ARL13B: variants seen among roughly 807,000 people sequenced by gnomAD.
ARL13B encodes ADP-ribosylation factor-like protein 13B.
ARL13B carries 36 observed loss-of-function variants against 56.1 expected under a neutral mutation model. That is an observed-to-expected ratio of 0.64 (90% CI 0.49 to 0.85). ARL13B has a LOEUF of 0.85. ARL13B is among the 40% of genes least tolerant of loss of function. ARL13B has a pLI of 0.00. For synonymous variants in ARL13B, 178 were observed against 171.1 expected (o/e 1.04, Z -0.32); for missense variants, 519 against 507.1 (o/e 1.02, Z -0.23).
At chr3:93,987,730 C>G (rs893051791) in intron 1 of ARL13B, among the ~76,000 whole-genome samples, 12 of 152,110 alleles carry the variant, frequency 7.9e-5, no homozygotes, top group Non-Finnish European at 1.3e-4. Context: ...CTCACTGCAG[C>G]CTTGACTGCC....
chr3:94,030,021 C>T (rs2076647105), intron 3 of ARL13B, among the ~76,000 whole-genome samples: 1 of 152,090 alleles, frequency 6.6e-6, no homozygotes. Flanking sequence ...TGAATATTCA[C>T]AGTGCCCAAA....
rs1388920577 is a variant in ARL13B, at chr3:94,049,589, A to G, written c.1141+67A>G. ...TTAAACAACAGAGAAAAAAAAAAAGAAAAAAGGAATCTTGTCATTTTTATT... is the reference window on the plus strand; with the variant it reads ...TTAAACAACAGAGAAAAAAAAAAAGGAAAAAGGAATCTTGTCATTTTTATT... On this transcript the variant is annotated intron_variant, in intron 8 of 9. Coordinates refer to ENST00000394222, the MANE Select transcript of ARL13B (RefSeq NM_001174150.2). 4 of 1,124,800 alleles carry G rather than the reference A, an allele frequency of 3.6e-6. No homozygotes were observed. In the South Asian group the frequency reaches 4.1e-5, roughly 11 times the overall value. The allele number at this position is 1,124,800 out of a possible 1,614,324, so 69.7% of individuals were successfully genotyped here.
At chr3:93,984,865 C>A (rs150024370) in intron 1 of ARL13B, among the ~76,000 whole-genome samples, 50 of 152,082 alleles carry the variant, frequency 3.3e-4, no homozygotes, top group African/African-American at 1.2e-3. Context: ...AAAAAATTAG[C>A]CAGAAGTAGT....
At chr3:94,019,003 C>T (rs1240167634) in intron 3 of ARL13B, among the ~76,000 whole-genome samples, 4 of 152,074 alleles carry the variant, frequency 2.6e-5, no homozygotes, top group East Asian at 1.9e-4. Flanking sequence ...TGATCTCAGG[C>T]GATCCGCCCT....
intron 1 of ARL13B, among the ~76,000 whole-genome samples, chr3:93,985,711 A>C (rs1710431703): frequency 6.6e-6 from 1 of 152,182 alleles, no homozygotes; most frequent in African/African-American, 2.4e-5. Context: ...GTAGGTAACA[A>C]ATCCTTGAAA....
At chr3:93,990,517 C>CA in intron 1 of ARL13B, among the ~76,000 whole-genome samples, 1 of 152,002 alleles carries the variant, frequency 6.6e-6, no homozygotes, top group East Asian at 1.9e-4. Context: ...GTGCATATAA[C>CA]AAAGTTTTGA....
In ARL13B at chr3:94,001,376, A is replaced by G. The variant is rs1445090069; in HGVS notation, c.131-2283A>G. On this transcript the variant is annotated intron_variant, in intron 2 of 9. Coordinates refer to ENST00000394222, the MANE Select transcript of ARL13B (RefSeq NM_001174150.2). ...GAATTGGTTTACTGGGCATATTGCCATCATTTTATCTGTACTTAAATTGCT... is the reference window on the plus strand; with the variant it reads ...GAATTGGTTTACTGGGCATATTGCCGTCATTTTATCTGTACTTAAATTGCT... Among the ~76,000 whole-genome samples, 9 of 152,192 alleles carry G rather than the reference A, an allele frequency of 5.9e-5. No homozygotes were observed. In the East Asian group the frequency reaches 9.6e-4, roughly 16 times the overall value.
chr3:93,987,904 C>A (rs1279190114), intron 1 of ARL13B, among the ~76,000 whole-genome samples: 1 of 152,062 alleles, frequency 6.6e-6, no homozygotes, highest in Non-Finnish European at 1.5e-5. Flanking sequence ...CCTTGGCCAC[C>A]CAAAGTGCTG....
At chr3:94,051,334 A>T (rs1167972070) in intron 9 of ARL13B, among the ~76,000 whole-genome samples, 1 of 152,118 alleles carries the variant, frequency 6.6e-6, no homozygotes, top group African/African-American at 2.4e-5. Flanking sequence ...GCTGAACATT[A>T]AAGTGAAGTA....
intron 5 of ARL13B, among the ~76,000 whole-genome samples, chr3:94,037,000 T>C (rs1198583710): frequency 3.9e-5 from 6 of 152,138 alleles, no homozygotes; most frequent in African/African-American, 7.2e-5. Context: ...AGTTTTAAAT[T>C]TTTGTCTCTG....
chr3:94,037,567 T>C (rs2076790814), intron 5 of ARL13B, among the ~76,000 whole-genome samples: 1 of 152,146 alleles, frequency 6.6e-6, no homozygotes, highest in South Asian at 2.1e-4. Flanking sequence ...AAAAGACAGA[T>C]TAGAGTGAAT....
At chr3:94,000,418 T>C (rs2076034797) in intron 2 of ARL13B, among the ~76,000 whole-genome samples, 1 of 152,178 alleles carries the variant, frequency 6.6e-6, no homozygotes, top group African/African-American at 2.4e-5. Context: ...TTCTCTTGAC[T>C]ATCAGATAGT....
intron 3 of ARL13B, chr3:94,028,444 T>C (rs1275397478): frequency 1.3e-5 from 2 of 152,248 alleles, no homozygotes; most frequent in Admixed American, 6.5e-5. Context: ...CTGAATATCA[T>C]CTCATGTTTT....
At chr3:93,988,953 G>C (rs1238409675) in intron 1 of ARL13B, 4 of 296,096 alleles carry the variant, frequency 1.4e-5, no homozygotes, top group Non-Finnish European at 2.7e-5. Context: ...GCATCTTGGC[G>C]GCAGGAGGGG....
At chr3:94,000,929 A>T (rs1347467754) in intron 2 of ARL13B, among the ~76,000 whole-genome samples, 2 of 152,154 alleles carry the variant, frequency 1.3e-5, no homozygotes, top group African/African-American at 4.8e-5. Context: ...GGATAGATGG[A>T]TAAATACATG....
chr3:94,030,550 A>G (rs1257888067), intron 3 of ARL13B, among the ~76,000 whole-genome samples: 1 of 152,040 alleles, frequency 6.6e-6, no homozygotes, highest in African/African-American at 2.4e-5. Flanking sequence ...TATTTTAGAA[A>G]TTAAATCTTA....
chr3:94,023,072 C>T (rs777062066), intron 3 of ARL13B, among the ~76,000 whole-genome samples: 5 of 151,366 alleles, frequency 3.3e-5, no homozygotes, highest in Admixed American at 6.6e-5. Context: ...TTTTGATTTC[C>T]AATTCCTCAC....
chr3:93,996,572 C>A, intron 2 of ARL13B: 2 of 343,644 alleles, frequency 5.8e-6, no homozygotes, highest in South Asian at 4.6e-5. Context: ...GAGATGGGGT[C>A]TCCCTATGTT....
At chr3:93,980,771 A>G (rs1380342842) in intron 1 of ARL13B, among the ~76,000 whole-genome samples, 1 of 151,228 alleles carries the variant, frequency 6.6e-6, no homozygotes, top group Non-Finnish European at 1.5e-5. Flanking sequence ...GGAATTGAAA[A>G]CTATCCATTG....
Sources: gnomAD v4.1 joint callset for allele counts (sites outside exome capture counted in the v4.1 genomes callset) on GRCh38, gnomAD v4.1.1 for gene constraint, MANE v1.5 for transcripts, NCBI Gene and HGNC (gene_info 2026-07-23, HGNC 2026-07-21) for gene names.